Variants in UGT1A8 observed in about 807,000 individuals in gnomAD.
The protein encoded by UGT1A8 is UDP-glucuronosyltransferase 1A8.
A neutral mutation model predicts 45.3 loss-of-function variants in UGT1A8; 39 were observed. The observed-to-expected ratio is 0.86, with a 90% CI of 0.67 to 1.12. The LOEUF (loss-of-function observed/expected upper bound fraction) is 1.12, where lower values mean the gene tolerates loss of function less well. Ranked by LOEUF, UGT1A8 falls within the 50% of genes most tolerant of loss-of-function variation. The probability of loss-of-function intolerance (pLI) is 0.00; values close to 1 mark genes in which losing one functional copy is unlikely to be tolerated. For missense variants in UGT1A8, 719 were observed against 664.9 expected, an observed-to-expected ratio of 1.08 and a Z score of -0.90; for synonymous variants, 275 against 249.2, an observed-to-expected ratio of 1.10 and a Z score of -0.97.
intron 1 of UGT1A8, among the ~76,000 whole-genome samples, chr2:233,657,212 T>A (rs997232183): frequency 6.6e-6 from 1 of 152,212 alleles, no homozygotes; most frequent in Non-Finnish European, 1.5e-5. Context: ...GCTCATGGGC[T>A]TTATTTTATG....
At chr2:233,677,174 T>G (rs1003773517) in intron 1 of UGT1A8, among the ~76,000 whole-genome samples, 7 of 152,196 alleles carry the variant, frequency 4.6e-5, no homozygotes, top group Non-Finnish European at 8.8e-5. Context: ...TCCAATTCAT[T>G]AACATATCTT....
At chr2:233,724,223 C>T (rs2077191141) in intron 1 of UGT1A8, among the ~76,000 whole-genome samples, 1 of 128,414 alleles carries the variant, frequency 7.8e-6, no homozygotes, top group Admixed American at 7.3e-5. Flanking sequence ...CCTCACTTCC[C>T]AGTAGGGGCG....
intron 1 of UGT1A8, among the ~76,000 whole-genome samples, chr2:233,650,931 T>A (rs965677950): frequency 1.3e-5 from 2 of 152,240 alleles, no homozygotes; most frequent in Non-Finnish European, 2.9e-5. Context: ...ATTTTGGCTA[T>A]GTTCTGGCTT....
Position 233,754,880 on chromosome 2 carries a change from C to T in UGT1A8, c.856-12154C>T, listed in dbSNP as rs764187223. Reference sequence around the variant, plus strand: ...GTGCAGACCCTCTGCTTCTGCTTCCCAGGGAGTTCCTCTGACCCCCCAAAA... The same window carrying T: ...GTGCAGACCCTCTGCTTCTGCTTCCTAGGGAGTTCCTCTGACCCCCCAAAA... On this transcript the variant is annotated intron_variant, in intron 1 of 4. Transcript: ENST00000373450. 3.0e-6 allele frequency: 4 copies of T among 1,352,340 alleles called. No homozygotes were observed. The South Asian group carries it at 4.6e-5, about 15-fold the overall frequency. The allele number at this position is 1,352,340 out of a possible 1,614,324, so 83.8% of individuals were successfully genotyped here.
At chr2:233,647,250 G>A (rs1453172673) in intron 1 of UGT1A8, among the ~76,000 whole-genome samples, 2 of 152,118 alleles carry the variant, frequency 1.3e-5, no homozygotes, top group Non-Finnish European at 2.9e-5. Context: ...ATGAGCTTTG[G>A]GTGGGGACAC....
intron 1 of UGT1A8, chr2:233,648,852 C>T: frequency 8.3e-7 from 1 of 1,204,474 alleles, no homozygotes; most frequent in South Asian, 1.2e-5. Flanking sequence ...TCAAAAATGC[C>T]TTAAACATAG....
At chr2:233,716,666 G>A (rs1298911663) in intron 1 of UGT1A8, among the ~76,000 whole-genome samples, 1 of 152,050 alleles carries the variant, frequency 6.6e-6, no homozygotes, top group East Asian at 1.9e-4. Flanking sequence ...AGGAAGCTTT[G>A]TTTACCCCAA....
intron 1 of UGT1A8, chr2:233,636,687 G>A (rs1181564012): frequency 6.2e-7 from 1 of 1,614,156 alleles, no homozygotes; most frequent in African/African-American, 1.3e-5. Context: ...GGCATGAGGT[G>A]GTTGTAGTCA....
chr2:233,690,738 T>G (rs1393287542), intron 1 of UGT1A8: 1 of 1,205,664 alleles, frequency 8.3e-7, no homozygotes, highest in Non-Finnish European at 1.0e-6. Context: ...CAGATTCCTC[T>G]GGCTAGTGTC....
chr2:233,701,519 A>T (rs1017874937), intron 1 of UGT1A8, among the ~76,000 whole-genome samples: 23 of 152,206 alleles, frequency 1.5e-4, no homozygotes, highest in Non-Finnish European at 2.5e-4. Context: ...AGAACTCTCC[A>T]CCCCAAATCA....
intron 1 of UGT1A8, among the ~76,000 whole-genome samples, chr2:233,643,889 C>T (rs1453737018): frequency 6.6e-6 from 1 of 152,130 alleles, no homozygotes; most frequent in Non-Finnish European, 1.5e-5. Context: ...CTGACCAGTG[C>T]CCTATCCTGC....
chr2:233,696,858 T>C (rs1432806664), intron 1 of UGT1A8, among the ~76,000 whole-genome samples: 1 of 152,170 alleles, frequency 6.6e-6, no homozygotes, highest in Admixed American at 6.5e-5. Flanking sequence ...TTGTTGAATG[T>C]TTTTTCAGCA....
At chr2:233,654,930 A>G (rs1039333456) in intron 1 of UGT1A8, among the ~76,000 whole-genome samples, 1 of 152,178 alleles carries the variant, frequency 6.6e-6, no homozygotes, top group Non-Finnish European at 1.5e-5. Context: ...CGTCTCTACT[A>G]AAAATACAAA....
intron 1 of UGT1A8, among the ~76,000 whole-genome samples, chr2:233,746,736 T>A (rs1693464828): frequency 6.6e-6 from 1 of 151,854 alleles, no homozygotes; most frequent in African/African-American, 2.4e-5. Flanking sequence ...GATTCTGCTT[T>A]GGTTCCAAAG....
At chr2:233,648,159 A>G (rs1241600503) in intron 1 of UGT1A8, 13 of 1,120,698 alleles carry the variant, frequency 1.2e-5, no homozygotes, top group East Asian at 2.4e-5. Context: ...TATTTTCTCT[A>G]TTAATGAGTT....
chr2:233,657,532 G>A (rs1050112303), intron 1 of UGT1A8, among the ~76,000 whole-genome samples: 2 of 152,046 alleles, frequency 1.3e-5, no homozygotes, highest in African/African-American at 2.4e-5. Flanking sequence ...ACCCATTATC[G>A]GGAAAAACAT....
rs1043133002 is a variant in UGT1A8, at chr2:233,769,410, C to T, written c.1295+971C>T. On this transcript the variant is annotated intron_variant, in intron 4 of 4. Transcript: ENST00000373450. This position sits in a 1 kb window ranked among gnomAD's most constrained non-coding sequence, Gnocchi z 4.4. ...GATACTGTGTGCATATGTGCGTGTG[C>T]GTTTGTGCATGTGGCTGTGCTCATG... is the stretch of plus-strand genomic sequence containing the variant. 3.7e-5 allele frequency: 49 copies of T among 1,332,922 alleles called. No homozygotes were observed. The highest frequency in any genetic ancestry group is 1.1e-4 in the Admixed American group (6 of 53,448). The allele number at this position is 1,332,922 out of a possible 1,614,324, so 82.6% of individuals were successfully genotyped here.
intron 1 of UGT1A8, among the ~76,000 whole-genome samples, chr2:233,689,515 G>A (rs1197938802): frequency 6.6e-6 from 1 of 152,250 alleles, no homozygotes; most frequent in East Asian, 1.9e-4. Flanking sequence ...TTACACATTG[G>A]TTTGGTCATG....
intron 1 of UGT1A8, among the ~76,000 whole-genome samples, chr2:233,707,521 GTTTTTC>G (rs2075966765): frequency 7.5e-6 from 1 of 134,020 alleles, no homozygotes; most frequent in Non-Finnish European, 1.6e-5. Context: ...GAATTTTACT[GTTTTTC>G]TTTGTCTTGC....
Sources: gnomAD v4.1 joint callset for allele counts (sites outside exome capture counted in the v4.1 genomes callset) on GRCh38, gnomAD v4.1.1 for gene constraint, Gnocchi (gnomAD v3.1) non-coding constraint, MANE v1.5 for transcripts, NCBI Gene and HGNC (gene_info 2026-07-23, HGNC 2026-07-21) for gene names.